Variants in TSPAN9 observed in about 807,000 individuals in gnomAD.
TSPAN9 encodes tetraspanin 9.
TSPAN9 carries 16 observed loss-of-function variants against 31.0 expected under a neutral mutation model. The observed-to-expected ratio is 0.52, with a 90% CI of 0.35 to 0.78. TSPAN9 has a LOEUF of 0.78. Ranked by LOEUF, TSPAN9 falls within the 30% of genes least tolerant of loss-of-function variation. TSPAN9 has a pLI of 0.01. For synonymous variants in TSPAN9, 145 were observed against 121.6 expected, an observed-to-expected ratio of 1.19 and a Z score of -1.27; for missense variants, 272 against 312.5, an observed-to-expected ratio of 0.87 and a Z score of 0.98.
At chr12:3,129,869 G>A (rs1167433230) in intron 2 of TSPAN9, among the ~76,000 whole-genome samples, 1 of 152,134 alleles carries the variant, frequency 6.6e-6, no homozygotes, top group Non-Finnish European at 1.5e-5. Context: ...AAGCAGTGAC[G>A]GGAGCCTGGC....
rs1862868062 is a variant in TSPAN9 at position 3,280,237 on chromosome 12, G to C, written c.331-145G>C. 3 of 694,216 alleles carry C rather than the reference G, an allele frequency of 4.3e-6. No individual in the cohort carries two copies. The highest frequency in any genetic ancestry group is 7.4e-6 in the Non-Finnish European group (3 of 406,574). 43.0% of individuals were successfully genotyped at this position (694,216 alleles called of 1,614,324 possible). On this transcript the variant is annotated intron_variant, in intron 5 of 8. Transcript: ENST00000011898. The surrounding 1 kb of genome is among the most constrained non-coding windows in gnomAD (Gnocchi z 4.5). Reference sequence around the variant, plus strand: ...TGGGCCAGCAGAGGCCCCCACCCCAGTGGGCAGGGCCTTCCAGACCAGCTG... The same window carrying C: ...TGGGCCAGCAGAGGCCCCCACCCCACTGGGCAGGGCCTTCCAGACCAGCTG...
intron 2 of TSPAN9, among the ~76,000 whole-genome samples, chr12:3,186,576 G>A (rs1456853093): frequency 1.4e-5 from 2 of 146,254 alleles, no homozygotes; most frequent in African/African-American, 2.5e-5. Flanking sequence ...GTGTGTGTGT[G>A]TATACACACA....
rs143723425 is a variant in TSPAN9 at position 3,274,428 on chromosome 12, A to G, written c.64-3993A>G. Among the ~76,000 whole-genome samples, 418 of 151,906 alleles carry G rather than the reference A, an allele frequency of 2.8e-3. 3 individuals are homozygous for G. Among genetic ancestry groups the G allele is most frequent in the African/African-American group, 9.7e-3 (402 of 41,398 alleles). ...TGATGAGAGGCATTTTAGGAAAAGA[A>G]TCAGGCAGCTCTATGCAGGCTGGGC... On this transcript the variant is annotated intron_variant, in intron 3 of 8. Transcript: ENST00000011898.
intron 1 of TSPAN9, among the ~76,000 whole-genome samples, chr12:3,082,839 T>G (rs1377386060): frequency 6.6e-6 from 1 of 152,200 alleles, no homozygotes; most frequent in Non-Finnish European, 1.5e-5. Flanking sequence ...TGCAAGCCCC[T>G]TCAGGGCATG....
intron 2 of TSPAN9, among the ~76,000 whole-genome samples, chr12:3,144,428 A>T (rs1388247086): frequency 1.3e-5 from 2 of 152,156 alleles, no homozygotes; most frequent in Non-Finnish European, 2.9e-5. Context: ...TAAGAGGGAC[A>T]CAGGAAGCAC....
chr12:3,278,732 T>C, intron 4 of TSPAN9, 120 bp downstream of exon 4: 1 of 1,366,610 alleles, frequency 7.3e-7, no homozygotes, highest in Admixed American at 2.4e-5. Context: ...CCAGGGAAAC[T>C]GCTTCTAGAA....
chr12:3,089,492 TTACCG>T (rs1484660957), intron 2 of TSPAN9, among the ~76,000 whole-genome samples: 1 of 151,712 alleles, frequency 6.6e-6, no homozygotes, highest in East Asian at 2.0e-4. Context: ...AGACGGGGTT[TTACCG>T]TGTTGGCCAG....
intron 3 of TSPAN9, among the ~76,000 whole-genome samples, chr12:3,249,391 C>A (rs79782863): frequency 2.6e-5 from 4 of 152,154 alleles, no homozygotes; most frequent in Non-Finnish European, 5.9e-5. Flanking sequence ...GATCAATTAC[C>A]CGTGCTCATT....
chr12:3,162,361 C>T (rs1191281163), intron 2 of TSPAN9, among the ~76,000 whole-genome samples: 1 of 152,226 alleles, frequency 6.6e-6, no homozygotes, highest in African/African-American at 2.4e-5. Context: ...TAAGACAGTG[C>T]TGTATGCAGC....
At chr12:3,199,496 G>T (rs2098369873) in intron 2 of TSPAN9, among the ~76,000 whole-genome samples, 1 of 152,232 alleles carries the variant, frequency 6.6e-6, no homozygotes, top group South Asian at 2.1e-4. Flanking sequence ...CAAGCCCCGA[G>T]CAAAAGCTCG....
At chr12:3,095,649 C>A (rs2098308013) in intron 2 of TSPAN9, among the ~76,000 whole-genome samples, 1 of 146,448 alleles carries the variant, frequency 6.8e-6, no homozygotes, top group African/African-American at 2.5e-5. Context: ...CCACCTCCCT[C>A]CCGGACGGGG....
intron 2 of TSPAN9, among the ~76,000 whole-genome samples, chr12:3,136,805 G>A (rs1394067577): frequency 3.3e-5 from 5 of 152,204 alleles, no homozygotes; most frequent in South Asian, 2.1e-4. Flanking sequence ...GCAGCCATCC[G>A]CTCCCGCCAT....
chr12:3,204,082 C>T (rs1173099043), intron 3 of TSPAN9, among the ~76,000 whole-genome samples: 4 of 152,068 alleles, frequency 2.6e-5, no homozygotes, highest in Admixed American at 6.5e-5. Context: ...CCTCTGGGAC[C>T]GGGTGCAATT....
At chr12:3,105,767 C>T (rs942447607) in intron 2 of TSPAN9, among the ~76,000 whole-genome samples, 12 of 61,662 alleles carry the variant, frequency 1.9e-4, no homozygotes, top group East Asian at 1.2e-3. Context: ...CGCACACACG[C>T]GCACGCACAC....
At chr12:3,158,170 C>A (rs530446289) in intron 2 of TSPAN9, among the ~76,000 whole-genome samples, 3 of 152,308 alleles carry the variant, frequency 2.0e-5, no homozygotes, top group African/African-American at 7.2e-5. Flanking sequence ...GGGCTTCCTG[C>A]TTCCCTGTGT....
chr12:3,131,620 G>A (rs945141266), intron 2 of TSPAN9, among the ~76,000 whole-genome samples: 2 of 152,164 alleles, frequency 1.3e-5, no homozygotes, highest in African/African-American at 4.8e-5. Context: ...CTGTGATGCT[G>A]GAGCTTGGCT....
chr12:3,159,641 A>G (rs1010784371), intron 2 of TSPAN9, among the ~76,000 whole-genome samples: 6 of 152,180 alleles, frequency 3.9e-5, no homozygotes, highest in Non-Finnish European at 7.3e-5. Flanking sequence ...CCGAGGCAGG[A>G]AGACCACTTG....
At chr12:3,175,347 G>A (rs1349766998) in intron 2 of TSPAN9, among the ~76,000 whole-genome samples, 1 of 152,222 alleles carries the variant, frequency 6.6e-6, no homozygotes, top group Non-Finnish European at 1.5e-5. Context: ...GAAGGAGGTG[G>A]AGGTCAGCGC....
intron 3 of TSPAN9, among the ~76,000 whole-genome samples, chr12:3,265,869 T>C (rs1862527414): frequency 6.6e-6 from 1 of 152,206 alleles, no homozygotes; most frequent in Non-Finnish European, 1.5e-5. Context: ...CAGCTCCATG[T>C]GTGAGCTTAG....
Sources: gnomAD v4.1 joint callset for allele counts (sites outside exome capture counted in the v4.1 genomes callset) on GRCh38, gnomAD v4.1.1 for gene constraint, Gnocchi (gnomAD v3.1) non-coding constraint, MANE v1.5 for transcripts, NCBI Gene and HGNC (gene_info 2026-07-23, HGNC 2026-07-21) for gene names.